NAALADL2: variants seen among roughly 807,000 people sequenced by gnomAD.
The protein encoded by NAALADL2 is N-acetylated alpha-linked acidic dipeptidase like 2, also known as inactive N-acetylated-alpha-linked acidic dipeptidase-like protein 2.
In NAALADL2, 76 loss-of-function variants were observed where a neutral mutation model predicts 87.2. The ratio of observed to expected loss-of-function variants is 0.87; its 90% CI spans 0.72 to 1.05. The LOEUF (loss-of-function observed/expected upper bound fraction) is 1.05, where lower values mean the gene tolerates loss of function less well. Ranked by LOEUF, NAALADL2 falls within the 50% of genes least tolerant of loss-of-function variation. The pLI is 0.00. For missense variants in NAALADL2, 1,089 were observed against 945.8 expected (o/e 1.15, Z -1.99); for synonymous variants, 354 against 331.0 (o/e 1.07, Z -0.75).
chr3:174,808,642 A>G (rs1579018576), intron 3 of NAALADL2, among the ~76,000 whole-genome samples: 1 of 152,158 alleles, frequency 6.6e-6, no homozygotes, highest in African/African-American at 2.4e-5. Context: ...TAATACCTTT[A>G]TCATTATACA....
intron 3 of NAALADL2, among the ~76,000 whole-genome samples, chr3:174,840,565 A>G (rs1417462395): frequency 6.6e-6 from 1 of 152,162 alleles, no homozygotes; most frequent in Non-Finnish European, 1.5e-5. Context: ...TTTTAGATGT[A>G]CTTTTTCTCA....
intron 1 of NAALADL2, chr3:175,059,255 T>G (rs1221918006): frequency 6.6e-6 from 1 of 152,180 alleles, no homozygotes; most frequent in African/African-American, 2.4e-5. Flanking sequence ...AAATAATTAT[T>G]GTTTTCTTGC....
chr3:175,417,164 A>T (rs1714803493), intron 5 of NAALADL2, among the ~76,000 whole-genome samples: 2 of 150,588 alleles, frequency 1.3e-5, no homozygotes, highest in Admixed American at 6.6e-5. Flanking sequence ...TGCAAAATTC[A>T]CTGGTTTCTA....
intron 5 of NAALADL2, among the ~76,000 whole-genome samples, chr3:175,439,276 G>A (rs572562204): frequency 9.9e-5 from 15 of 151,850 alleles, no homozygotes; most frequent in African/African-American, 3.6e-4. Flanking sequence ...TATTTTTGCA[G>A]TTGTGAATTG....
intron 9 of NAALADL2, among the ~76,000 whole-genome samples, chr3:175,479,886 T>C (rs1726212479): frequency 6.6e-6 from 1 of 151,732 alleles, no homozygotes; most frequent in Non-Finnish European, 1.5e-5. Flanking sequence ...CTAAGGGCCA[T>C]GGATAGTAAT....
chr3:175,112,729 A>G (rs1185694872), intron 2 of NAALADL2: 1 of 151,704 alleles, frequency 6.6e-6, no homozygotes, highest in African/African-American at 2.4e-5. Context: ...AAAATTTAGT[A>G]AATACAAAGA....
At chr3:175,400,979 C>T (rs1162670420) in intron 5 of NAALADL2, among the ~76,000 whole-genome samples, 1 of 152,132 alleles carries the variant, frequency 6.6e-6, no homozygotes, top group African/African-American at 2.4e-5. Context: ...AGCCAATCAG[C>T]CTTTATGCAG....
chr3:175,718,714 C>T, intron 11 of NAALADL2: 11 of 1,434,582 alleles, frequency 7.7e-6, no homozygotes, highest in African/African-American at 1.4e-5. Flanking sequence ...TCACTTGAGG[C>T]GTGGAGATCA....
chr3:175,481,040 A>G (rs1451759016), intron 9 of NAALADL2, among the ~76,000 whole-genome samples: 1 of 151,876 alleles, frequency 6.6e-6, no homozygotes. Flanking sequence ...TTATGTCGTT[A>G]CCTAAAGGGA....
At chr3:175,131,307 C>G (rs1727811968) in intron 2 of NAALADL2, among the ~76,000 whole-genome samples, 2 of 152,030 alleles carry the variant, frequency 1.3e-5, no homozygotes, top group South Asian at 4.2e-4. Flanking sequence ...CGGCCTTCTG[C>G]AGTGTTTGTG....
chr3:174,771,309 G>T (rs1326898114), intron 3 of NAALADL2, among the ~76,000 whole-genome samples: 1 of 152,178 alleles, frequency 6.6e-6, no homozygotes, highest in Non-Finnish European at 1.5e-5. Flanking sequence ...TATCTGAGGA[G>T]TTAGGTAAGG....
At position 174,586,932 on chromosome 3, in the gene NAALADL2, C is replaced by T. The variant is rs113607618; in HGVS notation, c.-115+36295C>T. ...ATGAGCCATGTTGGTGTGCTGCACC[C>T]GTTAACTCTTCATTTACATTAGGTA... On this transcript the variant is annotated intron_variant, in intron 2 of 3. Transcript: ENST00000434257. Among the ~76,000 whole-genome samples the T allele has an allele frequency of 6.7e-3, 1,022 of 152,038 alleles. 8 individuals are homozygous for T. Among genetic ancestry groups the T allele is most frequent in the African/African-American group, 0.023 (946 of 41,478 alleles).
chr3:174,502,097 A>AAAT (rs1474203023), intron 1 of NAALADL2, among the ~76,000 whole-genome samples: 4 of 152,176 alleles, frequency 2.6e-5, no homozygotes, highest in South Asian at 4.1e-4. Context: ...GCTTAAGTGA[A>AAAT]AGTTACTCTT....
At chr3:175,761,875 C>T (rs967241287) in intron 13 of NAALADL2, among the ~76,000 whole-genome samples, 17 of 152,032 alleles carry the variant, frequency 1.1e-4, no homozygotes, top group African/African-American at 3.9e-4. Flanking sequence ...AGTTGTTAGA[C>T]GTATTTTTAT....
At chr3:175,572,465 G>GA (rs1235545235) in intron 9 of NAALADL2, among the ~76,000 whole-genome samples, 2 of 151,700 alleles carry the variant, frequency 1.3e-5, no homozygotes, top group Non-Finnish European at 2.9e-5. Flanking sequence ...AACCTTTAGG[G>GA]AAAAAATTAG....
At chr3:175,500,661 TCAAGTAC>T (rs1344215336) in intron 9 of NAALADL2, among the ~76,000 whole-genome samples, 2 of 152,118 alleles carry the variant, frequency 1.3e-5, no homozygotes, top group African/African-American at 2.4e-5. Context: ...TTCTCTATTA[TCAAGTAC>T]TTTAATCTTC....
intron 1 of NAALADL2, among the ~76,000 whole-genome samples, chr3:175,044,224 C>T (rs1754418531): frequency 6.6e-6 from 1 of 151,986 alleles, no homozygotes; most frequent in Admixed American, 6.6e-5. Context: ...GAAAAAAATA[C>T]ACTATATTTT....
intron 3 of NAALADL2, among the ~76,000 whole-genome samples, chr3:174,828,270 G>A (rs1028259351): frequency 2.0e-5 from 3 of 152,204 alleles, no homozygotes; most frequent in Admixed American, 2.0e-4. Flanking sequence ...AAAGAAAGCT[G>A]CTCTTCACTT....
intron 1 of NAALADL2, among the ~76,000 whole-genome samples, chr3:174,504,281 G>C (rs1719076530): frequency 6.6e-6 from 1 of 152,108 alleles, no homozygotes; most frequent in Non-Finnish European, 1.5e-5. Flanking sequence ...TCTACAGTTA[G>C]AGCCAATACC....
Sources: gnomAD v4.1 joint callset for allele counts (sites outside exome capture counted in the v4.1 genomes callset) on GRCh38, gnomAD v4.1.1 for gene constraint, MANE v1.5 for transcripts, NCBI Gene and HGNC (gene_info 2026-07-23, HGNC 2026-07-21) for gene names.